Variants in FMN1 observed in about 807,000 individuals in gnomAD.
FMN1 encodes the protein formin 1, also known as formin-1.
FMN1 carries 110 observed loss-of-function variants against 132.4 expected under a neutral mutation model. That is an observed-to-expected ratio of 0.83 (90% CI 0.71 to 0.97). FMN1 has a LOEUF of 0.97. Ranked by LOEUF, FMN1 falls within the 50% of genes least tolerant of loss-of-function variation. FMN1 has a pLI of 0.00. For missense variants in FMN1, 1,792 were observed against 1,705.3 expected (o/e 1.05, Z -0.90); for synonymous variants, 722 against 651.7 (o/e 1.11, Z -1.64).
intron 7 of FMN1, among the ~76,000 whole-genome samples, chr15:32,972,914 C>T (rs1248588495): frequency 3.9e-5 from 6 of 152,166 alleles, no homozygotes; most frequent in Non-Finnish European, 7.4e-5. Context: ...TTCCTCCTCA[C>T]TATTAATGCC....
chr15:33,167,195 G>A (rs1346833267), intron 3 of FMN1, among the ~76,000 whole-genome samples: 1 of 152,158 alleles, frequency 6.6e-6, no homozygotes, highest in African/African-American at 2.4e-5. Context: ...GGGCAGGCCA[G>A]GTGGGGATAA....
intron 6 of FMN1, chr15:33,012,842 G>A (rs1304950080): frequency 3.2e-6 from 2 of 618,602 alleles, no homozygotes; most frequent in Non-Finnish European, 6.1e-6. Context: ...AGTGGGGGTG[G>A]CTATAATGAA....
At chr15:33,098,458 A>G (rs1161098534) in intron 4 of FMN1, among the ~76,000 whole-genome samples, 1 of 152,152 alleles carries the variant, frequency 6.6e-6, no homozygotes, top group Non-Finnish European at 1.5e-5. Context: ...ACACTACAAC[A>G]TTATTCTGAG....
chr15:32,900,892 G>A (rs372195298), intron 13 of FMN1, among the ~76,000 whole-genome samples: 2 of 152,028 alleles, frequency 1.3e-5, no homozygotes, highest in Non-Finnish European at 2.9e-5. Flanking sequence ...GGTGGCTCAC[G>A]CCTGTAATCC....
rs1193106458 is a variant in FMN1, at chr15:32,766,540, C to CT, written c.*7769_*7770insA. ...AGGCCTAGAATAAGAACCCCCCCCC[C>CT]ACCCCGCCCAATCTTCTTAAAATAA... On this transcript the variant is annotated 3_prime_UTR_variant, in exon 21 of 21. Transcript: ENST00000616417. 18 of 105,126 alleles carry CT rather than the reference C, an allele frequency of 1.7e-4. No individual in the cohort carries two copies. Among genetic ancestry groups the CT allele is most frequent in the African/African-American group, 5.8e-4 (17 of 29,456 alleles). The allele number at this position is 105,126 out of a possible 1,614,324, so 6.5% of individuals were successfully genotyped here. A position where few individuals can be genotyped will look rare whatever the true frequency, so the allele number is the denominator to read the frequency against.
At chr15:33,138,029 A>G (rs17816898) in intron 4 of FMN1, among the ~76,000 whole-genome samples, 11,124 of 152,232 alleles carry the variant, frequency 0.073, 463 homozygotes, top group African/African-American at 0.086. Flanking sequence ...TTTGGCTTCA[A>G]TACAATATTT....
At chr15:32,868,490 A>G (rs187543766) in intron 16 of FMN1, among the ~76,000 whole-genome samples, 6 of 152,000 alleles carry the variant, frequency 3.9e-5, no homozygotes, top group East Asian at 1.9e-4. Flanking sequence ...AGTACACTCT[A>G]TGATGTTTGC....
intron 5 of FMN1, among the ~76,000 whole-genome samples, chr15:33,075,853 T>C (rs2038187212): frequency 6.6e-6 from 1 of 152,194 alleles, no homozygotes; most frequent in Admixed American, 6.5e-5. Context: ...ATTTATTCAT[T>C]TATTTTTGGT....
At chr15:33,024,371 T>G (rs2035571363) in intron 6 of FMN1, among the ~76,000 whole-genome samples, 1 of 151,732 alleles carries the variant, frequency 6.6e-6, no homozygotes, top group African/African-American at 2.4e-5. Context: ...CTCAGCGTCC[T>G]GAGTAGCCAG....
chr15:33,165,491 C>T (rs550577021), intron 3 of FMN1, among the ~76,000 whole-genome samples: 2 of 152,066 alleles, frequency 1.3e-5, no homozygotes, highest in Non-Finnish European at 2.9e-5. Flanking sequence ...CCCGGGTTCA[C>T]GCCATTCTCT....
intron 7 of FMN1, among the ~76,000 whole-genome samples, chr15:32,985,437 G>A (rs887112963): frequency 1.3e-5 from 2 of 152,044 alleles, no homozygotes; most frequent in Non-Finnish European, 2.9e-5. Flanking sequence ...CACTGTAGCA[G>A]GGGTCACTGA....
chr15:32,806,458 G>A (rs2057684686), intron 17 of FMN1, among the ~76,000 whole-genome samples: 1 of 152,196 alleles, frequency 6.6e-6, no homozygotes, highest in Non-Finnish European at 1.5e-5. Context: ...ATAGGCCATG[G>A]CAGGTATTAA....
rs867758063 is a variant in FMN1, at chr15:32,962,662, C to T, written c.3138+1445G>A. 1.0e-2 allele frequency among the ~76,000 whole-genome samples: 1,485 copies of T among 149,184 alleles called. 27 individuals are homozygous for T. Among genetic ancestry groups the T allele is most frequent in the African/African-American group, 0.035 (1,417 of 39,932 alleles). Reference sequence around the variant, plus strand: ...AATTTACAAGAAAAAAACAAACAACCCCATCAAAAAGTGGGCGAAGGACAT... The same window carrying T: ...AATTTACAAGAAAAAAACAAACAACTCCATCAAAAAGTGGGCGAAGGACAT... On this transcript the variant is annotated intron_variant, in intron 9 of 20. Transcript: ENST00000616417.
intron 2 of FMN1, among the ~76,000 whole-genome samples, chr15:33,183,869 CAAGA>C (rs1965787786): frequency 6.6e-6 from 1 of 151,970 alleles, no homozygotes; most frequent in African/African-American, 2.4e-5. Context: ...GTTACTCTTT[CAAGA>C]AAGAAAGTCA....
At chr15:33,067,012 TC>T (rs1295825335) in intron 5 of FMN1, 1 of 1,613,972 alleles carries the variant, frequency 6.2e-7, no homozygotes, top group Non-Finnish European at 8.5e-7. Flanking sequence ...TGGTCTCTCC[TC>T]CCTCAGCGGT....
intron 4 of FMN1, among the ~76,000 whole-genome samples, chr15:33,127,372 C>T (rs573251915): frequency 1.3e-5 from 2 of 152,290 alleles, no homozygotes; most frequent in East Asian, 1.9e-4. Context: ...TCTGTTCATA[C>T]ACAGACCACC....
chr15:33,109,679 C>G (rs1410600037), intron 4 of FMN1, among the ~76,000 whole-genome samples: 2 of 151,806 alleles, frequency 1.3e-5, no homozygotes, highest in African/African-American at 4.8e-5. Flanking sequence ...AATACTGGGG[C>G]ATACTTAATG....
At chr15:32,778,059 TTATTATA>T (rs1483554618) in intron 19 of FMN1, among the ~76,000 whole-genome samples, 2 of 3,744 alleles carry the variant, frequency 5.3e-4, no homozygotes, top group East Asian at 0.031. Context: ...TATAATACAT[TTATTATA>T]TATTATGTAT....
intron 18 of FMN1, among the ~76,000 whole-genome samples, chr15:32,802,888 T>C (rs982570581): frequency 9.9e-5 from 15 of 152,138 alleles, no homozygotes; most frequent in African/African-American, 2.7e-4. Context: ...CCTAAAAACA[T>C]AGCCATGGAA....
Sources: allele counts gnomAD v4.1 joint callset (sites outside exome capture counted in the v4.1 genomes callset), GRCh38; gene constraint gnomAD v4.1.1; transcripts MANE v1.5; gene names NCBI Gene and HGNC (gene_info 2026-07-23, HGNC 2026-07-21).